The following ARF4 variants were observed in gnomAD, a reference collection of about 807,000 sequenced individuals.
The protein encoded by ARF4 is ARF GTPase 4, also known as ADP-ribosylation factor 4.
Under a neutral mutation model 24.3 loss-of-function variants are expected in ARF4, and 5 were observed. That is an observed-to-expected ratio of 0.21 (90% confidence interval 0.11 to 0.43). ARF4 has a LOEUF of 0.43. Among genes scored for constraint, ARF4 ranks in the 20% least tolerant of loss-of-function variants. ARF4 has a pLI of 1.00. For synonymous variants in ARF4, 62 were observed against 73.5 expected, an observed-to-expected ratio of 0.84 and a Z score of 0.80; for missense variants, 107 against 213.0, an observed-to-expected ratio of 0.50 and a Z score of 3.10.
At chr3:57,584,032 G>A (rs375528380) in intron 2 of ARF4, 25 bp from the exon 3 acceptor site, 41 of 1,429,156 alleles carry the variant, frequency 2.9e-5, no homozygotes, top group Admixed American at 1.0e-4. Flanking sequence ...AAAAATGACC[G>A]CTGTGCAGCG....
chr3:57,573,889 T>C (rs2069869821), intron 5 of ARF4, among the ~76,000 whole-genome samples: 1 of 149,854 alleles, frequency 6.7e-6, no homozygotes. Flanking sequence ...GCCCAGTTTA[T>C]GTTCTTCAAA....
intron 1 of ARF4, among the ~76,000 whole-genome samples, chr3:57,589,688 A>T (rs1342227487): frequency 6.6e-6 from 1 of 151,652 alleles, no homozygotes; most frequent in East Asian, 2.0e-4. Context: ...ACGGCACTCC[A>T]GCCTGGGCAA....
chr3:57,572,303 AAAGAG>A lies in ARF4; in HGVS notation c.457-10_457-6del, dbSNP rs767702844. 12 of 1,606,296 alleles carry A rather than the reference AAAGAG, an allele frequency of 7.5e-6. No homozygotes were observed. Among genetic ancestry groups the A allele is most frequent in the Middle Eastern group, 1.7e-4 (1 of 6,022 alleles). ...ACAAGTGGCTTGAACATACCACTGT[AAAGAG>A]AAGACAAGAAAATACTTGATTAACA... On this transcript the variant is annotated splice_polypyrimidine_tract_variant and splice_region_variant and intron_variant, in intron 5 of 5. Transcript: ENST00000303436.
At position 57,589,441 on chromosome 3, in the gene ARF4, C is replaced by A. The variant is rs117431354; in HGVS notation, c.68-4977G>T. On this transcript the variant is annotated intron_variant, in intron 1 of 5. Transcript: ENST00000303436. The stretch of plus-strand genomic sequence containing the variant: ...AGATCCTGTCTCAAACAAACAAGGC[C>A]GGGCCCCGTGGCTCACACCTGTAAT... Among the ~76,000 whole-genome samples, 121 of 151,938 alleles carry A rather than the reference C, an allele frequency of 8.0e-4. 1 individual carries two copies. In the East Asian group the frequency reaches 0.022, roughly 27 times the overall value.
Position 57,572,247 on chromosome 3 carries a change from G to A in ARF4, c.508C>T (p.Leu170Phe), listed in dbSNP as rs1172787098. Residue 170 changes from leucine (L) to phenylalanine (F), a missense_variant, in exon 6 of 6, where the codon CTT becomes TTT. Transcript: ENST00000303436. ...GAAAGCTCATTTGACAGCCAGTCAA[G>A]TCCTTCATACAGACCAGTTCCTTGT... The part of the protein sequence containing the change: ...ATQGTGLYEG[L>F]DWLSNELSKR 6.2e-7 allele frequency: 1 copy of A among 1,614,078 alleles called. No homozygotes were observed.
At chr3:57,595,645 A>G (rs753306068) in intron 1 of ARF4, among the ~76,000 whole-genome samples, 2 of 152,192 alleles carry the variant, frequency 1.3e-5, no homozygotes, top group African/African-American at 4.8e-5. Flanking sequence ...TGATGGTAGT[A>G]CAGCTCTAAA....
At chr3:57,595,171 T>C (rs927282496) in intron 1 of ARF4, among the ~76,000 whole-genome samples, 2 of 152,190 alleles carry the variant, frequency 1.3e-5, no homozygotes, top group Non-Finnish European at 2.9e-5. Flanking sequence ...TATATGAAAA[T>C]GCTGGTAGCA....
At chr3:57,593,555 A>T (rs1220816733) in intron 1 of ARF4, among the ~76,000 whole-genome samples, 1 of 152,242 alleles carries the variant, frequency 6.6e-6, no homozygotes, top group African/African-American at 2.4e-5. Context: ...TGATATCAGC[A>T]AACTTTTTAA....
intron 5 of ARF4, among the ~76,000 whole-genome samples, chr3:57,574,284 A>G (rs1001331697): frequency 6.6e-6 from 1 of 152,168 alleles, no homozygotes; most frequent in African/African-American, 2.4e-5. Flanking sequence ...CCACAGCCAC[A>G]GTATTTCCCT....
intron 5 of ARF4, 136 bp downstream of exon 5, chr3:57,575,412 C>A (rs567392195): frequency 1.2e-5 from 10 of 841,500 alleles, no homozygotes; most frequent in East Asian, 7.1e-5. Flanking sequence ...AAGTTTATTA[C>A]CATATTTTTA....
rs1345672681 is a variant in ARF4 at position 57,590,132 on chromosome 3, T to TAAATAAAA, written c.68-5669_68-5668insTTTTATTT. ...ATAAATAAATAAATAAATAAATAAA[T>TAAATAAAA]AAAACAAAAAACAAAAAAAGAACAT... On this transcript the variant is annotated intron_variant, in intron 1 of 5. Coordinates refer to ENST00000303436, the MANE Select transcript of ARF4 (RefSeq NM_001660.4). Among the ~76,000 whole-genome samples, 587 of 136,254 alleles carry TAAATAAAA rather than the reference T, an allele frequency of 4.3e-3. 3 individuals are homozygous for TAAATAAAA. Among genetic ancestry groups the TAAATAAAA allele is most frequent in the Admixed American group, 7.4e-3 (99 of 13,370 alleles). The allele number at this position is 136,254 out of a possible 152,430, so 89.4% of individuals were successfully genotyped here. A position where few individuals can be genotyped will look rare whatever the true frequency, so the allele number is the denominator to read the frequency against.
chr3:57,578,955 A>G (rs1409809212), intron 3 of ARF4, among the ~76,000 whole-genome samples: 1 of 152,154 alleles, frequency 6.6e-6, no homozygotes, highest in African/African-American at 2.4e-5. Context: ...CTAAAGTATC[A>G]ATTTTGATCA....
chr3:57,588,126 G>C (rs539419426), intron 1 of ARF4, among the ~76,000 whole-genome samples: 112 of 152,252 alleles, frequency 7.4e-4, no homozygotes, highest in African/African-American at 2.7e-3. Flanking sequence ...GCCAAGATAA[G>C]ACTAATCTGT....
chr3:57,586,930 CTGAT>C (rs2070044838), intron 1 of ARF4, among the ~76,000 whole-genome samples: 1 of 151,982 alleles, frequency 6.6e-6, no homozygotes, highest in Admixed American at 6.6e-5. Context: ...AACTGAGACG[CTGAT>C]TAAGAAACAC....
chr3:57,573,929 G>A (rs1284432867), intron 5 of ARF4, among the ~76,000 whole-genome samples: 2 of 150,828 alleles, frequency 1.3e-5, no homozygotes, highest in African/African-American at 4.9e-5. Flanking sequence ...ACAGGCAATA[G>A]GTTGTTTTTT....
intron 3 of ARF4, among the ~76,000 whole-genome samples, chr3:57,582,312 G>A (rs780431465): frequency 2.0e-5 from 3 of 150,158 alleles, no homozygotes; most frequent in South Asian, 2.1e-4. Context: ...GTGTGATCTC[G>A]GCTCATCACA....
intron 1 of ARF4, among the ~76,000 whole-genome samples, 200 bp from the exon 2 acceptor site, chr3:57,584,664 A>C (rs2070015170): frequency 6.6e-6 from 1 of 152,174 alleles, no homozygotes; most frequent in African/African-American, 2.4e-5. Flanking sequence ...TTTCTAGACC[A>C]AGAGAGACAG....
intron 1 of ARF4, among the ~76,000 whole-genome samples, chr3:57,586,291 T>C (rs2070036043): frequency 6.6e-6 from 1 of 151,234 alleles, no homozygotes; most frequent in Non-Finnish European, 1.5e-5. Context: ...GACACTTTCT[T>C]AATATTTAAA....
At chr3:57,583,033 G>A (rs1225055367) in intron 3 of ARF4, among the ~76,000 whole-genome samples, 1 of 152,166 alleles carries the variant, frequency 6.6e-6, no homozygotes, top group Non-Finnish European at 1.5e-5. Context: ...AGAGGACAAG[G>A]ATGCCACTAA....
Sources: gnomAD v4.1 joint callset for allele counts (sites outside exome capture counted in the v4.1 genomes callset) on GRCh38, gnomAD v4.1.1 for gene constraint, MANE v1.5 for transcripts, NCBI Gene and HGNC (gene_info 2026-07-23, HGNC 2026-07-21) for gene names.